CROCC: variants seen among roughly 807,000 people sequenced by gnomAD.
CROCC encodes the protein rootletin.
CROCC carries 180 observed loss-of-function variants against 245.2 expected under a neutral mutation model. The observed-to-expected ratio is 0.73, with a 90% confidence interval of 0.65 to 0.83. The LOEUF is 0.83. Among genes scored for constraint, CROCC ranks in the 40% least tolerant of loss-of-function variants. CROCC has a pLI of 0.00. For missense variants in CROCC, 2,688 were observed against 2,779.4 expected, an observed-to-expected ratio of 0.97 and a Z score of 0.74; for synonymous variants, 1,205 against 1,241.6, an observed-to-expected ratio of 0.97 and a Z score of 0.62.
Position 16,938,481 on chromosome 1 carries a change from C to T in CROCC, c.1372C>T (p.Gln458Ter). The T allele has an allele frequency of 1.3e-6, 2 of 1,571,516 alleles. No individual in the cohort carries two copies. The highest frequency in any genetic ancestry group is 1.9e-5 in the Admixed American group (1 of 53,636). ...ACAGCAGACCCTAAGGGACCTGGCA[C>T]AGGTGTGAGCCCAGAGAGGCGGGAA... is the stretch of plus-strand genomic sequence containing the variant. ...GLQQTLRDLA[Q>*]AVLSDSESGV... The change falls in exon 11 of 37, where the codon CAG becomes TAG. Residue 458 changes from glutamine to a stop codon, truncating the protein, a stop_gained and splice_region_variant. Coordinates refer to ENST00000375541, the MANE Select transcript of CROCC (RefSeq NM_014675.5). LOFTEE classifies it high-confidence loss of function.
At chr1:16,942,493 A>G (rs547255956) in intron 13 of CROCC, among the ~76,000 whole-genome samples, 172 of 152,332 alleles carry the variant, frequency 1.1e-3, no homozygotes, top group African/African-American at 3.9e-3. Context: ...TTTCCTTCCC[A>G]TTGTGTTGCC....
At chr1:16,968,528 C>A in intron 31 of CROCC, 110 bp downstream of exon 31, 1 of 1,096,964 alleles carries the variant, frequency 9.1e-7, no homozygotes, top group East Asian at 2.7e-5. Flanking sequence ...TTACCCACAT[C>A]CCCATTTCAC....
At chr1:16,917,122 AC>A (rs2075314635), upstream of CROCC, among the ~76,000 whole-genome samples, 1 of 152,278 alleles carries the variant, frequency 6.6e-6, no homozygotes, top group African/African-American at 2.4e-5. Flanking sequence ...CATCTCAAAA[AC>A]AAAACAAAAC....
chr1:16,923,674 C>CTTTTT (rs61063425), intron 2 of CROCC, among the ~76,000 whole-genome samples: 516 of 103,474 alleles, frequency 5.0e-3, no homozygotes, highest in African/African-American at 5.8e-3. Flanking sequence ...ACTATTCTAC[C>CTTTTT]TTTTTTTTTT....
At chr1:16,940,384 G>A (rs541780142) in intron 13 of CROCC, among the ~76,000 whole-genome samples, 17 of 150,728 alleles carry the variant, frequency 1.1e-4, no homozygotes, top group East Asian at 9.8e-4. Flanking sequence ...CCACCATGCC[G>A]GGCTAATTTT....
intron 31 of CROCC, 56 bp from the exon 32 acceptor site, chr1:16,969,060 G>T: frequency 6.6e-7 from 1 of 1,512,608 alleles, no homozygotes. Flanking sequence ...AGTGGGAGCA[G>T]AGGTATAGAG....
At position 16,970,394 on chromosome 1, in the gene CROCC, G is replaced by A; in HGVS notation, c.5593G>A (p.Glu1865Lys). 6.2e-7 allele frequency: 1 copy of A among 1,605,796 alleles called. No homozygotes were observed. The highest frequency in any genetic ancestry group is 8.5e-7 in the Non-Finnish European group (1 of 1,176,742). ...GCTGGAAGCTGAGAAGCGGGAGGTG[G>A]AGCGCTCAGCCCTGCGGCTGGAGAA... ...AQLEAEKREV[E>K]RSALRLEKDR... The change falls in exon 34 of 37, where the codon GAG (glutamate) becomes AAG (lysine). Residue 1865 changes from glutamate to lysine, a missense_variant. Glu to Lys is a moderately conservative substitution (Grantham distance 56). Transcript: ENST00000375541.
chr1:16,954,730 C>G lies in CROCC; in HGVS notation c.3322-4C>G, dbSNP rs745936521. On this transcript the variant is annotated splice_polypyrimidine_tract_variant and splice_region_variant and intron_variant, in intron 22 of 36. Transcript: ENST00000375541. This position sits in a 1 kb window ranked among gnomAD's most constrained non-coding sequence, Gnocchi z 4.4. ...ACCAAGTCTGAGGAGCCCCTCTGTC[C>G]CAGAGCACCGTGAACGCTCTGACGT... is the stretch of plus-strand genomic sequence containing the variant. The G allele has an allele frequency of 1.3e-6, 2 of 1,550,574 alleles. No homozygotes were observed. The highest frequency in any genetic ancestry group is 1.7e-6 in the Non-Finnish European group (2 of 1,147,126).
chr1:16,939,920 C>T lies in CROCC; in HGVS notation c.1635C>T (p.Ser545=), dbSNP rs374120957. ...VQDMRGRYEA[S]QDLLGTLRKQ... ...ACATGCGTGGGCGCTATGAGGCAAG[C>T]CAGGACCTACTGGGCACCCTGCGGA... Residue 545 remains serine (S), a synonymous_variant, in exon 13 of 37, where the codon AGC becomes AGT. Coordinates refer to ENST00000375541, the MANE Select transcript of CROCC (RefSeq NM_014675.5). The T allele has an allele frequency of 6.2e-7, 1 of 1,612,570 alleles. No individual in the cohort carries two copies. The highest frequency in any genetic ancestry group is 8.5e-7 in the Non-Finnish European group (1 of 1,179,816).
chr1:16,950,015 C>T (rs1430552581), intron 19 of CROCC, among the ~76,000 whole-genome samples: 3 of 151,188 alleles, frequency 2.0e-5, no homozygotes, highest in African/African-American at 4.9e-5. Context: ...GTGATCCACC[C>T]GCTTTGGCCT....
chr1:16,921,839 C>A, upstream of CROCC: 1 of 623,824 alleles, frequency 1.6e-6, no homozygotes, highest in Non-Finnish European at 2.8e-6. Context: ...CTTTCCCATC[C>A]CCTCCCTCCT....
intron 2 of CROCC, 136 bp downstream of exon 2, chr1:16,922,934 C>T: frequency 7.6e-7 from 1 of 1,320,704 alleles, no homozygotes. Context: ...GACAGAAGAA[C>T]CCATTTTACA....
chr1:16,964,137 ATTT>A (rs59284131), intron 27 of CROCC, among the ~76,000 whole-genome samples: 1 of 119,456 alleles, frequency 8.4e-6, no homozygotes. Context: ...TTTTTTCTTT[ATTT>A]TTTTTTTTTT....
intron 1 of CROCC, among the ~76,000 whole-genome samples, chr1:16,914,260 G>A (rs1169179784): frequency 6.6e-6 from 1 of 152,142 alleles, no homozygotes; most frequent in Non-Finnish European, 1.5e-5. Context: ...TGTGTTCCGC[G>A]ACTGCCGCGG....
At chr1:16,919,290 T>C (rs1156550700), upstream of CROCC, among the ~76,000 whole-genome samples, 1 of 152,294 alleles carries the variant, frequency 6.6e-6, no homozygotes, top group Non-Finnish European at 1.5e-5. Flanking sequence ...GCTGCTGGTC[T>C]AAGTGGAATG....
chr1:16,937,977 G>A (rs1440812346), intron 10 of CROCC, among the ~76,000 whole-genome samples: 2 of 152,278 alleles, frequency 1.3e-5, no homozygotes, highest in Non-Finnish European at 2.9e-5. Context: ...GGCCCAAGAG[G>A]GGTAATGCTT....
At chr1:16,926,133 G>C (rs1201759440) in intron 3 of CROCC, among the ~76,000 whole-genome samples, 1 of 152,276 alleles carries the variant, frequency 6.6e-6, no homozygotes, top group African/African-American at 2.4e-5. Flanking sequence ...TGTGGTTAGT[G>C]GGGGCCCAAA....
rs201015613 is a variant in CROCC at position 16,930,017 on chromosome 1, C to T, written c.523C>T (p.Arg175Trp). The T allele has an allele frequency of 2.8e-5, 44 of 1,576,070 alleles. No individual in the cohort carries two copies. Among genetic ancestry groups the T allele is most frequent in the African/African-American group, 6.7e-5 (5 of 74,714 alleles). ...GQQRQAQLVQ[R>W]LQGKILQYKK... Reference sequence around the variant, plus strand: ...GCAGCGGCAGGCCCAGCTTGTGCAGCGGCTGCAGGGCAAGGTCAGGACCAC... The same window carrying T: ...GCAGCGGCAGGCCCAGCTTGTGCAGTGGCTGCAGGGCAAGGTCAGGACCAC... Residue 175 changes from arginine to tryptophan, a missense_variant, in exon 4 of 37, where the codon CGG becomes TGG. By Grantham distance (101) the Arg-to-Trp change is moderately radical. Transcript: ENST00000375541.
At chr1:16,957,829 C>T (rs1419090127) in intron 25 of CROCC, among the ~76,000 whole-genome samples, 1 of 152,210 alleles carries the variant, frequency 6.6e-6, no homozygotes, top group African/African-American at 2.4e-5. Flanking sequence ...TTCTGATACT[C>T]TGATAGCCAG....
Sources: gnomAD v4.1 joint callset for allele counts (sites outside exome capture counted in the v4.1 genomes callset) on GRCh38, gnomAD v4.1.1 for gene constraint, Gnocchi (gnomAD v3.1) non-coding constraint, MANE v1.5 for transcripts, NCBI Gene and HGNC (gene_info 2026-07-23, HGNC 2026-07-21) for gene names.